ATRX: variants seen among roughly 807,000 people sequenced by gnomAD.
ATRX encodes the protein chromatin remodeler ATRX.
A neutral mutation model predicts 172.6 loss-of-function variants in ATRX; 12 were observed. That is an observed-to-expected ratio of 0.07 (90% CI 0.04 to 0.11). The LOEUF is 0.11. ATRX is among the 10% of genes least tolerant of loss of function. The pLI, the probability that ATRX is intolerant of heterozygous loss-of-function variation, is 1.00. For missense variants in ATRX, 1,368 were observed against 1,767.4 expected, an observed-to-expected ratio of 0.77 and a Z score of 4.05; for synonymous variants, 674 against 594.7, an observed-to-expected ratio of 1.13 and a Z score of -1.94.
At chrX:77,691,034 A>G (rs984267648) in intron 6 of ATRX, 1 of 112,654 alleles carries the variant, frequency 8.9e-6, no homozygotes, top group African/African-American at 3.2e-5. Context: ...AAATAAACAA[A>G]CTAGATGTAC....
chrX:77,625,216 C>T (rs1236354173), intron 19 of ATRX, among the ~76,000 whole-genome samples: 1 of 112,182 alleles, frequency 8.9e-6, no homozygotes, highest in Non-Finnish European at 1.9e-5. Flanking sequence ...ACTGCATCTT[C>T]GTCTCTCATC....
At position 77,505,989 on chromosome X, in the gene ATRX, G is replaced by A. The variant is rs1253711792; in HGVS notation, c.*2362C>T. On this transcript the variant is annotated 3_prime_UTR_variant, in exon 35 of 35. Transcript: ENST00000373344. ...TGTATGATTTCAGCAGCCAAAGCTG[G>A]ATGATGGACTGAAACATTACTATAC... is the stretch of plus-strand genomic sequence containing the variant. 1 of 168,637 alleles carries A rather than the reference G, an allele frequency of 5.9e-6. No homozygotes were observed. Among genetic ancestry groups the A allele is most frequent in the Non-Finnish European group, 1.1e-5 (1 of 87,844 alleles). The allele number at this position is 168,637 out of a possible 1,213,427, so 13.9% of individuals were successfully genotyped here.
intron 1 of ATRX, among the ~76,000 whole-genome samples, chrX:77,743,543 C>G (rs2074958154): frequency 9.0e-6 from 1 of 111,444 alleles, no homozygotes; most frequent in South Asian, 3.8e-4. Context: ...CAGAGTACTT[C>G]TCCCAGGGGA....
chrX:77,721,171 G>A (rs1396479097), intron 1 of ATRX, among the ~76,000 whole-genome samples: 5 of 111,173 alleles, frequency 4.5e-5, no homozygotes, highest in Non-Finnish European at 7.5e-5. Flanking sequence ...CCGATGAAAC[G>A]TATCTCAAAA....
intron 9 of ATRX, among the ~76,000 whole-genome samples, chrX:77,678,816 C>A (rs1340470744): frequency 4.5e-5 from 5 of 110,622 alleles, no homozygotes; most frequent in African/African-American, 1.6e-4. Flanking sequence ...TTAATGATTT[C>A]TCTATGTCTG....
chrX:77,708,928 C>T (rs2072973431), intron 2 of ATRX, among the ~76,000 whole-genome samples: 1 of 112,379 alleles, frequency 8.9e-6, no homozygotes. Context: ...TATTACCAGC[C>T]AGATGCAGTG....
intron 27 of ATRX, among the ~76,000 whole-genome samples, chrX:77,579,468 G>A (rs2065751439): frequency 9.8e-6 from 1 of 102,309 alleles, no homozygotes; most frequent in South Asian, 4.6e-4. Context: ...CCATTTGTTT[G>A]GGAGAAAGTA....
intron 15 of ATRX, among the ~76,000 whole-genome samples, chrX:77,644,870 T>C (rs782709048): frequency 2.7e-5 from 3 of 111,248 alleles, no homozygotes; most frequent in South Asian, 7.6e-4. Flanking sequence ...ACTTCCCAAA[T>C]TGAAGGAGAG....
intron 1 of ATRX, among the ~76,000 whole-genome samples, chrX:77,741,548 A>C (rs896097363): frequency 1.8e-5 from 2 of 109,946 alleles, no homozygotes; most frequent in Non-Finnish European, 3.8e-5. Flanking sequence ...TACAACCTCC[A>C]CCTCCCATGC....
chrX:77,704,397 T>C (rs1469797092), intron 2 of ATRX, among the ~76,000 whole-genome samples: 2 of 111,753 alleles, frequency 1.8e-5, no homozygotes, highest in African/African-American at 3.3e-5. Context: ...TGCATGCCAA[T>C]TGGTCCACAG....
intron 2 of ATRX, among the ~76,000 whole-genome samples, chrX:77,709,523 C>G (rs1557159347): frequency 1.8e-5 from 2 of 110,480 alleles, no homozygotes; most frequent in Non-Finnish European, 3.8e-5. Context: ...ACAATAAACC[C>G]CAGTGATGCT....
At chrX:77,632,498 T>C (rs2068157231) in intron 19 of ATRX, among the ~76,000 whole-genome samples, 1 of 111,722 alleles carries the variant, frequency 9.0e-6, no homozygotes, top group South Asian at 3.7e-4. Flanking sequence ...TCATTATCTT[T>C]AAAAAAGAGG....
intron 30 of ATRX, among the ~76,000 whole-genome samples, chrX:77,555,779 G>C (rs1346063878): frequency 4.5e-5 from 5 of 110,423 alleles, no homozygotes; most frequent in Non-Finnish European, 9.5e-5. Context: ...CCTAGATGAC[G>C]GGTTGATAGG....
chrX:77,784,313 T>C (rs1277987256), intron 1 of ATRX, among the ~76,000 whole-genome samples: 3 of 112,063 alleles, frequency 2.7e-5, no homozygotes, highest in Non-Finnish European at 5.6e-5. Context: ...TTAGTTATGA[T>C]TATTACTCTT....
chrX:77,737,206 C>T (rs1020516295), intron 1 of ATRX, among the ~76,000 whole-genome samples: 28 of 110,261 alleles, frequency 2.5e-4, no homozygotes, highest in Middle Eastern at 4.8e-3. Context: ...GGGCGAACCA[C>T]GCGGTCAGGA....
chrX:77,698,523 C>T (rs1274471382), intron 3 of ATRX, 51 bp downstream of exon 3: 4 of 1,091,001 alleles, frequency 3.7e-6, no homozygotes, highest in Non-Finnish European at 5.1e-6. Context: ...AAGACATATG[C>T]TCTACTTGGT....
chrX:77,529,375 T>C (rs1569517418), intron 30 of ATRX, among the ~76,000 whole-genome samples: 1 of 110,405 alleles, frequency 9.1e-6, no homozygotes. Context: ...AAGGTCGAAA[T>C]GAAAGAAAAA....
intron 10 of ATRX, among the ~76,000 whole-genome samples, chrX:77,671,404 AT>A (rs1557130501): frequency 9.3e-6 from 1 of 107,248 alleles, no homozygotes; most frequent in African/African-American, 3.4e-5. Context: ...TTTTAAAAAA[AT>A]CTTGGAGGTA....
intron 2 of ATRX, among the ~76,000 whole-genome samples, chrX:77,710,623 G>A (rs2073064072): frequency 1.8e-5 from 2 of 111,173 alleles, no homozygotes; most frequent in Admixed American, 9.6e-5. Context: ...TAAAAGGAAA[G>A]GATTGTTGAT....
Sources: gnomAD v4.1 joint callset for allele counts (sites outside exome capture counted in the v4.1 genomes callset) on GRCh38, gnomAD v4.1.1 for gene constraint, MANE v1.5 for transcripts, NCBI Gene and HGNC (gene_info 2026-07-23, HGNC 2026-07-21) for gene names.